The following SOX5 variants were observed in gnomAD, a reference collection of about 807,000 sequenced individuals.
The protein encoded by SOX5 is transcription factor SOX-5.
Under a neutral mutation model 92.0 loss-of-function variants are expected in SOX5, and 9 were observed. The ratio of observed to expected loss-of-function variants is 0.10; its 90% confidence interval spans 0.06 to 0.17. The LOEUF is 0.17. SOX5 is among the 10% of genes least tolerant of loss of function. SOX5 has a pLI of 1.00. For missense variants in SOX5, 642 were observed against 944.5 expected (o/e 0.68, Z 4.20); for synonymous variants, 344 against 336.3 (o/e 1.02, Z -0.25).
intron 6 of SOX5, among the ~76,000 whole-genome samples, chr12:23,714,570 G>A (rs2092338446): frequency 6.6e-6 from 1 of 152,144 alleles, no homozygotes; most frequent in Admixed American, 6.5e-5. Context: ...GCGGTGAGCC[G>A]AGATCGCGCC....
chr12:24,083,094 A>C (rs1943564263), intron 4 of SOX5, among the ~76,000 whole-genome samples: 1 of 152,034 alleles, frequency 6.6e-6, no homozygotes, highest in Non-Finnish European at 1.5e-5. Context: ...GACAGCATAT[A>C]GATTTTCATG....
chr12:24,256,586 C>A (rs1178105078), intron 3 of SOX5, among the ~76,000 whole-genome samples: 1 of 126,552 alleles, frequency 7.9e-6, no homozygotes, highest in Admixed American at 1.0e-4. Flanking sequence ...GTTACACTGC[C>A]TTTCTTTCAC....
intron 1 of SOX5, among the ~76,000 whole-genome samples, chr12:23,925,017 T>TA (rs149545974): frequency 3.3e-4 from 48 of 145,218 alleles, no homozygotes; most frequent in South Asian, 2.0e-3. Flanking sequence ...GAATGATCAA[T>TA]AAAAAAAAAA....
chr12:23,592,805 G>A (rs756362456), intron 9 of SOX5, among the ~76,000 whole-genome samples: 1 of 152,074 alleles, frequency 6.6e-6, no homozygotes, highest in South Asian at 2.1e-4. Flanking sequence ...TGGGCTGGGC[G>A]CGGTGGCTCA....
At chr12:24,494,320 T>A (rs964166787) in intron 1 of SOX5, among the ~76,000 whole-genome samples, 4 of 152,202 alleles carry the variant, frequency 2.6e-5, no homozygotes, top group Non-Finnish European at 5.9e-5. Flanking sequence ...TCCCTGATGA[T>A]CAGTTGCCAG....
intron 1 of SOX5, among the ~76,000 whole-genome samples, chr12:24,450,219 A>G (rs1054706031): frequency 6.6e-5 from 10 of 152,162 alleles, no homozygotes; most frequent in African/African-American, 2.4e-4. Flanking sequence ...GGGATTCACA[A>G]TGCACAATGT....
chr12:24,503,814 G>C (rs1424788094), intron 1 of SOX5, among the ~76,000 whole-genome samples: 2 of 152,108 alleles, frequency 1.3e-5, no homozygotes, highest in Non-Finnish European at 2.9e-5. Context: ...TCACACACCA[G>C]GGCCTGTCAG....
chr12:23,598,153 G>C (rs1328471640), intron 9 of SOX5, among the ~76,000 whole-genome samples: 1 of 152,124 alleles, frequency 6.6e-6, no homozygotes, highest in African/African-American at 2.4e-5. Context: ...AAAGCTCTCA[G>C]AGTAAGTCAA....
At chr12:24,205,050 G>T (rs1040203510) in intron 4 of SOX5, among the ~76,000 whole-genome samples, 6 of 152,162 alleles carry the variant, frequency 3.9e-5, no homozygotes, top group Non-Finnish European at 8.8e-5. Context: ...ACAGCTTAGC[G>T]TCTTCTCTTT....
chr12:24,533,140 T>C (rs1951336166), intron 1 of SOX5, among the ~76,000 whole-genome samples: 3 of 152,210 alleles, frequency 2.0e-5, no homozygotes, highest in African/African-American at 7.2e-5. Flanking sequence ...AGGTTTTTTT[T>C]CTTTCCAGGG....
chr12:23,950,211 AT>A (rs1049685626), upstream of SOX5, among the ~76,000 whole-genome samples: 13 of 151,972 alleles, frequency 8.6e-5, no homozygotes, highest in African/African-American at 3.1e-4. Flanking sequence ...AAGAATTGTT[AT>A]TCCTTCTCAC....
At chr12:24,290,472 G>A (rs746881148) in intron 2 of SOX5, among the ~76,000 whole-genome samples, 3 of 152,054 alleles carry the variant, frequency 2.0e-5, no homozygotes, top group Admixed American at 6.5e-5. Context: ...CTGATGAGGC[G>A]GCCATTATTA....
intron 1 of SOX5, among the ~76,000 whole-genome samples, chr12:23,923,378 G>T (rs1409485567): frequency 1.3e-5 from 2 of 152,116 alleles, no homozygotes; most frequent in East Asian, 1.9e-4. Flanking sequence ...AATATAGAAT[G>T]ATATACAATA....
intron 3 of SOX5, among the ~76,000 whole-genome samples, chr12:23,779,955 C>G (rs1019444087): frequency 8.1e-5 from 11 of 136,568 alleles, no homozygotes; most frequent in African/African-American, 2.9e-4. Flanking sequence ...CACAGCGAGA[C>G]TGTGTGTGTG....
At chr12:23,918,567 G>A (rs2097443739) in intron 1 of SOX5, among the ~76,000 whole-genome samples, 1 of 152,172 alleles carries the variant, frequency 6.6e-6, no homozygotes, top group South Asian at 2.1e-4. Flanking sequence ...ATATACTAGA[G>A]TTCTGCTATA....
chr12:23,738,222 T>A (rs2093673316), intron 5 of SOX5, among the ~76,000 whole-genome samples: 1 of 152,164 alleles, frequency 6.6e-6, no homozygotes, highest in African/African-American at 2.4e-5. Context: ...ACCAGAAGTA[T>A]TAGAATACAT....
intron 1 of SOX5, among the ~76,000 whole-genome samples, chr12:24,435,863 C>G (rs1047205013): frequency 1.3e-5 from 2 of 152,126 alleles, no homozygotes; most frequent in East Asian, 3.9e-4. Flanking sequence ...CATTTTGTTT[C>G]TGTGTCACAG....
intron 2 of SOX5, among the ~76,000 whole-genome samples, chr12:24,364,225 G>A (rs1420332298): frequency 1.3e-5 from 2 of 152,014 alleles, no homozygotes; most frequent in African/African-American, 2.4e-5. Flanking sequence ...GGTTCTCAAT[G>A]AAACTCATTC....
chr12:24,424,353 A>G (rs183322407), intron 1 of SOX5, among the ~76,000 whole-genome samples: 8 of 152,328 alleles, frequency 5.3e-5, no homozygotes, highest in Admixed American at 3.9e-4. Context: ...ATTTTATTCA[A>G]TATCTTTTAA....
Sources: gnomAD v4.1 joint callset for allele counts (sites outside exome capture counted in the v4.1 genomes callset) on GRCh38, gnomAD v4.1.1 for gene constraint, MANE v1.5 for transcripts, NCBI Gene and HGNC (gene_info 2026-07-23, HGNC 2026-07-21) for gene names.